HSD17B2: variants seen among roughly 807,000 people sequenced by gnomAD.
The protein encoded by HSD17B2 is 17-beta-hydroxysteroid dehydrogenase type 2.
A neutral mutation model predicts 26.9 loss-of-function variants in HSD17B2; 32 were observed. The ratio of observed to expected loss-of-function variants is 1.19; its 90% confidence interval spans 0.90 to 1.60. HSD17B2 has a LOEUF of 1.60. Ranked by LOEUF, HSD17B2 falls within the 40% of genes most tolerant of loss-of-function variation. HSD17B2 has a pLI of 0.00. For synonymous variants in HSD17B2, 246 were observed against 186.7 expected, an observed-to-expected ratio of 1.32 and a Z score of -2.59; for missense variants, 613 against 468.6, an observed-to-expected ratio of 1.31 and a Z score of -2.85.
At chr16:82,097,830 C>A in intron 4 of HSD17B2, 1 of 290,036 alleles carries the variant, frequency 3.4e-6, no homozygotes, top group East Asian at 6.0e-5. Context: ...CCCAGCTACT[C>A]GGGAGGCTGA....
chr16:82,043,317 G>C (rs1190195612), intron 1 of HSD17B2, among the ~76,000 whole-genome samples: 1 of 152,144 alleles, frequency 6.6e-6, no homozygotes, highest in East Asian at 1.9e-4. Flanking sequence ...CCTTGTTTCA[G>C]GTCACTTGTG....
At chr16:82,036,432 T>G (rs1441075403) in intron 1 of HSD17B2, among the ~76,000 whole-genome samples, 3 of 151,504 alleles carry the variant, frequency 2.0e-5, no homozygotes, top group African/African-American at 7.3e-5. Context: ...GGTTATGGAG[T>G]TTAAGCTTGG....
At chr16:82,070,265 T>C (rs1914667834) in intron 2 of HSD17B2, among the ~76,000 whole-genome samples, 1 of 152,168 alleles carries the variant, frequency 6.6e-6, no homozygotes, top group South Asian at 2.1e-4. Flanking sequence ...CCTCAGCTTA[T>C]CCTCAGTGCC....
At chr16:82,063,540 C>T (rs1914500344) in intron 1 of HSD17B2, among the ~76,000 whole-genome samples, 1 of 152,216 alleles carries the variant, frequency 6.6e-6, no homozygotes, top group Non-Finnish European at 1.5e-5. Flanking sequence ...CATTAATTTA[C>T]TGCCAAACAA....
intron 1 of HSD17B2, among the ~76,000 whole-genome samples, chr16:82,038,133 G>A (rs1320292105): frequency 6.6e-6 from 1 of 152,090 alleles, no homozygotes; most frequent in Non-Finnish European, 1.5e-5. Flanking sequence ...CAATTACAAA[G>A]ACAAATTTAA....
At chr16:82,081,721 A>G (rs1455680682) in intron 3 of HSD17B2, among the ~76,000 whole-genome samples, 1 of 152,208 alleles carries the variant, frequency 6.6e-6, no homozygotes, top group Non-Finnish European at 1.5e-5. Flanking sequence ...TACTATTTTT[A>G]TTAATGGACA....
At chr16:82,097,339 T>A (rs1567595533) in intron 4 of HSD17B2, 2 of 95,714 alleles carry the variant, frequency 2.1e-5, no homozygotes, top group Non-Finnish European at 4.6e-5. Context: ...TATATACACA[T>A]TATATATGTG....
chr16:82,070,613 TA>T (rs1232352741), intron 2 of HSD17B2, among the ~76,000 whole-genome samples: 1 of 152,256 alleles, frequency 6.6e-6, no homozygotes, highest in African/African-American at 2.4e-5. Flanking sequence ...CTAAGCACCT[TA>T]ACAAGGACTA....
chr16:82,084,625 G>A (rs765704099), intron 3 of HSD17B2, among the ~76,000 whole-genome samples: 59 of 152,090 alleles, frequency 3.9e-4, no homozygotes, highest in Middle Eastern at 3.2e-3. Context: ...AAGGACAGTT[G>A]GAAAATTGTT....
intron 1 of HSD17B2, among the ~76,000 whole-genome samples, chr16:82,053,592 C>T (rs968296989): frequency 6.6e-6 from 1 of 152,188 alleles, no homozygotes; most frequent in Non-Finnish European, 1.5e-5. Flanking sequence ...ACCTTGAGGC[C>T]AAGAACTGTG....
intron 1 of HSD17B2, among the ~76,000 whole-genome samples, chr16:82,042,905 G>C (rs1325130945): frequency 6.6e-6 from 1 of 152,240 alleles, no homozygotes; most frequent in African/African-American, 2.4e-5. Flanking sequence ...ACAGGTGTAA[G>C]CCACTGCATC....
intron 4 of HSD17B2, chr16:82,096,843 T>C (rs1490224560): frequency 1.3e-5 from 2 of 152,080 alleles, no homozygotes; most frequent in African/African-American, 4.8e-5. Flanking sequence ...AAATATACTG[T>C]TGAATAAAGA....
intron 3 of HSD17B2, among the ~76,000 whole-genome samples, chr16:82,072,593 G>C (rs8191179): frequency 6.6e-6 from 1 of 152,104 alleles, no homozygotes; most frequent in Non-Finnish European, 1.5e-5. Context: ...TCAACTTTGA[G>C]CAACACCTTC....
At chr16:82,084,653 C>T (rs762956130) in intron 3 of HSD17B2, among the ~76,000 whole-genome samples, 5 of 152,058 alleles carry the variant, frequency 3.3e-5, no homozygotes, top group Non-Finnish European at 5.9e-5. Context: ...AGGCCCAAAA[C>T]CTTTCTCGGG....
intron 3 of HSD17B2, among the ~76,000 whole-genome samples, chr16:82,084,205 A>G (rs1423118834): frequency 1.3e-5 from 2 of 152,134 alleles, no homozygotes; most frequent in Non-Finnish European, 2.9e-5. Context: ...GTCCAGGGCA[A>G]TATTTCTCAA....
intron 3 of HSD17B2, among the ~76,000 whole-genome samples, chr16:82,086,153 T>G (rs1284340299): frequency 6.6e-6 from 1 of 152,160 alleles, no homozygotes. Context: ...AAAAGAGGTG[T>G]TCAAACAAAA....
intron 1 of HSD17B2, among the ~76,000 whole-genome samples, chr16:82,040,389 A>G (rs1336685674): frequency 2.0e-5 from 3 of 152,234 alleles, no homozygotes; most frequent in Non-Finnish European, 4.4e-5. Context: ...TGCATTTTAT[A>G]TTTGATTCTC....
At chr16:82,088,888 G>C (rs968488245) in intron 3 of HSD17B2, among the ~76,000 whole-genome samples, 2 of 152,182 alleles carry the variant, frequency 1.3e-5, no homozygotes, top group African/African-American at 4.8e-5. Flanking sequence ...AAAAATGGAA[G>C]AGGAATTTAC....
intron 3 of HSD17B2, among the ~76,000 whole-genome samples, chr16:82,075,991 T>G (rs1348235840): frequency 6.7e-6 from 1 of 149,988 alleles, no homozygotes; most frequent in Non-Finnish European, 1.5e-5. Context: ...AAAATACTAG[T>G]AAACTGAATT....
Sources: gnomAD v4.1 joint callset for allele counts (sites outside exome capture counted in the v4.1 genomes callset) on GRCh38, gnomAD v4.1.1 for gene constraint, MANE v1.5 for transcripts, NCBI Gene and HGNC (gene_info 2026-07-23, HGNC 2026-07-21) for gene names.